Variants in COL23A1 observed in about 807,000 individuals in gnomAD.
The protein encoded by COL23A1 is collagen type XXIII alpha 1 chain, also known as collagen alpha-1(XXIII) chain.
A neutral mutation model predicts 99.3 loss-of-function variants in COL23A1; 97 were observed. That is an observed-to-expected ratio of 0.98 (90% CI 0.83 to 1.16). COL23A1 has a LOEUF of 1.16. COL23A1 is among the 50% of genes most tolerant of loss of function. COL23A1 has a pLI of 0.00. For missense variants in COL23A1, 762 were observed against 757.4 expected (o/e 1.01, Z -0.07); for synonymous variants, 320 against 308.2 (o/e 1.04, Z -0.40).
At position 178,372,226 on chromosome 5, in the gene COL23A1, CGA is replaced by C. The variant is rs373963004; in HGVS notation, c.362-65309_362-65308del. On this transcript the variant is annotated intron_variant, in intron 2 of 28. Coordinates refer to ENST00000390654, the MANE Select transcript of COL23A1 (RefSeq NM_173465.4). ...CAGCGGGGCGTGCTGGGAGGCACTT[CGA>C]GAGAGTGTTGCCCAGGAGAGTGGTG... is the stretch of plus-strand genomic sequence containing the variant. Among the ~76,000 whole-genome samples, 66 of 152,296 alleles carry C rather than the reference CGA, an allele frequency of 4.3e-4. No individual in the cohort carries two copies. In the East Asian group the frequency reaches 0.012, roughly 28 times the overall value.
intron 2 of COL23A1, among the ~76,000 whole-genome samples, chr5:178,497,788 C>G (rs1049060395): frequency 6.6e-6 from 1 of 151,808 alleles, no homozygotes. Context: ...TGAACTGGAA[C>G]ATATATCAAA....
intron 2 of COL23A1, among the ~76,000 whole-genome samples, chr5:178,349,988 G>C (rs546540402): frequency 6.6e-6 from 1 of 152,156 alleles, no homozygotes; most frequent in Admixed American, 6.5e-5. Context: ...CCAGGGTCTC[G>C]GGTCCTATCA....
intron 2 of COL23A1, among the ~76,000 whole-genome samples, chr5:178,504,306 T>C (rs1758742380): frequency 6.6e-6 from 1 of 151,892 alleles, no homozygotes; most frequent in East Asian, 1.9e-4. Context: ...AGTTTTAAAA[T>C]GCCAATTAAA....
chr5:178,438,960 T>A (rs1472862082), intron 2 of COL23A1: 1 of 152,212 alleles, frequency 6.6e-6, no homozygotes, highest in East Asian at 1.9e-4. Context: ...CTCAGCACTT[T>A]AGTAGTTTGT....
chr5:178,589,213 A>G lies in COL23A1; in HGVS notation c.294+691T>C, dbSNP rs1764144124. Among the ~76,000 whole-genome samples, 3 of 152,108 alleles carry G rather than the reference A, an allele frequency of 2.0e-5. No individual in the cohort carries two copies. Among genetic ancestry groups the G allele is most frequent in the Non-Finnish European group, 4.4e-5 (3 of 68,008 alleles). ...GGAAGTCGCGATTCCCAGGTAAGGG[A>G]CGGGAAACTCCGGATGTCCTGCGAG... is the stretch of plus-strand genomic sequence containing the variant. On this transcript the variant is annotated intron_variant, in intron 1 of 28. Transcript: ENST00000390654. The surrounding 1 kb of genome is among the most constrained non-coding windows in gnomAD (Gnocchi z 5.4).
At chr5:178,586,651 G>A (rs1764023013) in intron 1 of COL23A1, among the ~76,000 whole-genome samples, 1 of 151,456 alleles carries the variant, frequency 6.6e-6, no homozygotes, top group South Asian at 2.1e-4. Flanking sequence ...GAGAGAAAGT[G>A]AACATGCCAA....
chr5:178,502,086 T>C (rs546862890), intron 2 of COL23A1, among the ~76,000 whole-genome samples: 1 of 152,242 alleles, frequency 6.6e-6, no homozygotes, highest in Admixed American at 6.5e-5. Flanking sequence ...CCATGATCAA[T>C]GATCTGTACT....
chr5:178,242,950 A>G (rs953737164), intron 25 of COL23A1, among the ~76,000 whole-genome samples: 2 of 151,960 alleles, frequency 1.3e-5, no homozygotes, highest in African/African-American at 4.8e-5. Flanking sequence ...TAATCCCAGC[A>G]CTTTGGGAGG....
intron 25 of COL23A1, 110 bp from the exon 26 acceptor site, chr5:178,242,504 A>G: frequency 2.7e-6 from 3 of 1,104,344 alleles, no homozygotes; most frequent in Non-Finnish European, 4.0e-6. Flanking sequence ...TCCCCCCTGC[A>G]TATTCGTGGC....
In COL23A1 at chr5:178,250,109, G is replaced by A; in HGVS notation, c.1015-4C>T. ...CACCGGGCAATCCAAGCTCGCCCTGGAAGGGAAGAGATGGCAAGAGGGGTT... is the reference window on the plus strand; with the variant it reads ...CACCGGGCAATCCAAGCTCGCCCTGAAAGGGAAGAGATGGCAAGAGGGGTT... On this transcript the variant is annotated splice_region_variant and splice_polypyrimidine_tract_variant and intron_variant, in intron 17 of 28. Coordinates refer to ENST00000390654, the MANE Select transcript of COL23A1 (RefSeq NM_173465.4). 1 of 1,614,174 alleles carries A rather than the reference G, an allele frequency of 6.2e-7. No homozygotes were observed. Among genetic ancestry groups the A allele is most frequent in the East Asian group, 2.2e-5 (1 of 44,888 alleles).
chr5:178,537,074 TC>T (rs1435311922), intron 2 of COL23A1, among the ~76,000 whole-genome samples: 1 of 152,224 alleles, frequency 6.6e-6, no homozygotes, highest in Non-Finnish European at 1.5e-5. Flanking sequence ...TGGGCCAGAC[TC>T]CTCACACCTC....
intron 2 of COL23A1, among the ~76,000 whole-genome samples, chr5:178,383,515 C>A (rs1248413365): frequency 6.6e-6 from 1 of 152,208 alleles, no homozygotes; most frequent in East Asian, 1.9e-4. Flanking sequence ...GGCCTGGCAC[C>A]CAATTTGGGA....
In COL23A1 at chr5:178,238,113, G is replaced by A. The variant is rs1463330861; in HGVS notation, c.*585C>T. The A allele has an allele frequency of 6.5e-6, 1 of 153,514 alleles. No homozygotes were observed. Among genetic ancestry groups the A allele is most frequent in the Non-Finnish European group, 1.5e-5 (1 of 68,556 alleles). The allele number at this position is 153,514 out of a possible 1,614,324, so 9.5% of individuals were successfully genotyped here. On this transcript the variant is annotated 3_prime_UTR_variant, in exon 29 of 29. Transcript: ENST00000390654. ...GCAGGCTGGCCTCCTGAGGCCTCCT[G>A]AATGTGGTAGAGCTAGACCCTCGTG...
intron 11 of COL23A1, among the ~76,000 whole-genome samples, chr5:178,260,739 G>T (rs1484322317): frequency 6.6e-6 from 1 of 152,116 alleles, no homozygotes; most frequent in Non-Finnish European, 1.5e-5. Flanking sequence ...GGTTGCAGTG[G>T]GCTGAGATTG....
At chr5:178,530,778 C>T (rs1447042649) in intron 2 of COL23A1, among the ~76,000 whole-genome samples, 4 of 152,334 alleles carry the variant, frequency 2.6e-5, no homozygotes, top group Admixed American at 6.5e-5. Flanking sequence ...GCCCCAACCT[C>T]GTTCTAGCCT....
intron 2 of COL23A1, among the ~76,000 whole-genome samples, chr5:178,485,794 A>C (rs996786693): frequency 1.3e-5 from 2 of 151,608 alleles, no homozygotes; most frequent in South Asian, 2.1e-4. Context: ...AAAAAAAAAA[A>C]AAAACACAGA....
At chr5:178,480,601 G>A (rs1004609052) in intron 2 of COL23A1, among the ~76,000 whole-genome samples, 7 of 152,204 alleles carry the variant, frequency 4.6e-5, no homozygotes, top group African/African-American at 1.4e-4. Context: ...TGCATGGCAC[G>A]TCTCTGTGTT....
chr5:178,377,066 C>A (rs1411503461), intron 2 of COL23A1, among the ~76,000 whole-genome samples: 1 of 152,162 alleles, frequency 6.6e-6, no homozygotes, highest in Non-Finnish European at 1.5e-5. Context: ...TGCGATGCCC[C>A]GCAGCCTGTT....
intron 8 of COL23A1, chr5:178,265,783 CAAGGCTTTT>C: frequency 1.1e-6 from 1 of 897,754 alleles, no homozygotes; most frequent in Non-Finnish European, 1.3e-6. Flanking sequence ...TGAAGAACTA[CAAGGCTTTT>C]TGAAACCTGG....
Sources: allele counts gnomAD v4.1 joint callset (sites outside exome capture counted in the v4.1 genomes callset), GRCh38; gene constraint gnomAD v4.1.1; non-coding constraint Gnocchi (gnomAD v3.1); transcripts MANE v1.5; gene names NCBI Gene and HGNC (gene_info 2026-07-23, HGNC 2026-07-21).